The following NLRP14 variants were observed in gnomAD, a reference collection of about 807,000 sequenced individuals.
The protein encoded by NLRP14 is NLR family pyrin domain containing 14.
NLRP14 carries 105 observed loss-of-function variants against 94.7 expected under a neutral mutation model. The ratio of observed to expected loss-of-function variants is 1.11; its 90% CI spans 0.95 to 1.30. NLRP14 has a LOEUF of 1.30. NLRP14 is among the 50% of genes most tolerant of loss of function. The pLI is 0.00. For synonymous variants in NLRP14, 508 were observed against 459.9 expected (o/e 1.10, Z -1.34); for missense variants, 1,362 against 1,254.1 (o/e 1.09, Z -1.30).
chr11:7,042,734 C>A lies in NLRP14; in HGVS notation c.708C>A (p.Asp236Glu). The change falls in exon 4 of 12, where the codon GAC (aspartate) becomes GAA (glutamate). Residue 236 changes from aspartate (D) to glutamate (E), a missense_variant. Coordinates refer to ENST00000299481, the MANE Select transcript of NLRP14 (RefSeq NM_176822.4). The stretch of plus-strand genomic sequence containing the variant: ...GCTTTGCTCAATTGATATCAAAGGA[C>A]TGGCCCAGCACAGAAGGCCCCATTG... ...ERSFAQLISK[D>E]WPSTEGPIEE... 1.2e-6 allele frequency: 2 copies of A among 1,614,212 alleles called. No homozygotes were observed. Among genetic ancestry groups the A allele is most frequent in the Non-Finnish European group, 1.7e-6 (2 of 1,180,022 alleles).
Position 7,043,226 on chromosome 11 carries a change from T to A in NLRP14, c.1200T>A (p.Phe400Leu). The change falls in exon 4 of 12, where the codon TTT becomes TTA. Residue 400 changes from phenylalanine (F) to leucine (L), a missense_variant. By Grantham distance (22) the Phe-to-Leu change is conservative. Transcript: ENST00000299481. Reference protein sequence around the residue: ...TLTCQTTTALFTCYISSLFTP... With the variant: ...TLTCQTTTALLTCYISSLFTP... ...CCTGCCAAACAACCACAGCTCTGTT[T>A]ACCTGCTATATTTCTAGCTTGTTCA... 6.2e-7 allele frequency: 1 copy of A among 1,614,124 alleles called. No homozygotes were observed. The highest frequency in any genetic ancestry group is 8.5e-7 in the Non-Finnish European group (1 of 1,180,018).
chr11:7,028,517 A>G (rs1852046052), intron 1 of NLRP14, among the ~76,000 whole-genome samples: 1 of 152,162 alleles, frequency 6.6e-6, no homozygotes, highest in Admixed American at 6.5e-5. Context: ...ATATAGAACC[A>G]GGATGATTCT....
chr11:7,042,684 G>A lies in NLRP14; in HGVS notation c.658G>A (p.Glu220Lys). ...GTATGTTTTTTATCTCAATGGGAGAGAAATTAACCAGCTGAAAGAGAGAAG... is the reference window on the plus strand; with the variant it reads ...GTATGTTTTTTATCTCAATGGGAGAAAAATTAACCAGCTGAAAGAGAGAAG... ...FKYVFYLNGR[E>K]INQLKERSFA... The change falls in exon 4 of 12, where the codon GAA (glutamate) becomes AAA (lysine). Residue 220 changes from glutamate to lysine, a missense_variant. Transcript: ENST00000299481. 1 of 1,614,224 alleles carries A rather than the reference G, an allele frequency of 6.2e-7. No homozygotes were observed.
intron 8 of NLRP14, 146 bp from the exon 9 acceptor site, chr11:7,059,748 G>A: frequency 1.4e-6 from 1 of 724,988 alleles, no homozygotes; most frequent in South Asian, 1.5e-5. Context: ...TTTCCCAAGT[G>A]AGACAGGCTG....
chr11:7,062,186 G>A (rs1852632026), intron 9 of NLRP14, 147 bp from the exon 10 acceptor site: 1 of 680,070 alleles, frequency 1.5e-6, no homozygotes, highest in Non-Finnish European at 2.6e-6. Context: ...CATTTTTACT[G>A]ATAAATTAGA....
intron 7 of NLRP14, 117 bp downstream of exon 7, chr11:7,057,964 C>G: frequency 1.2e-6 from 1 of 836,538 alleles, no homozygotes; most frequent in Non-Finnish European, 2.1e-6. Flanking sequence ...TTTGTCAATT[C>G]TGAATAAGCT....
chr11:7,087,789 G>C, the NLRP14 span, among the ~76,000 whole-genome samples: 3 of 152,078 alleles, frequency 2.0e-5, no homozygotes, highest in Non-Finnish European at 4.4e-5. Context: ...AAGAAGGAAA[G>C]GTTTGGCTGA....
intron 5 of NLRP14, 37 bp from the exon 6 acceptor site, chr11:7,049,634 G>T (rs1212867995): frequency 3.4e-6 from 5 of 1,475,596 alleles, no homozygotes; most frequent in African/African-American, 1.4e-5. Flanking sequence ...GGAGAGAAAT[G>T]GTTTTGTAAT....
intron 1 of NLRP14, among the ~76,000 whole-genome samples, chr11:7,025,494 A>T (rs2119547625): frequency 6.6e-6 from 1 of 152,326 alleles, no homozygotes; most frequent in African/African-American, 2.4e-5. Flanking sequence ...GAAAGCCAAG[A>T]TATAAAATAA....
rs552153953 is a variant in NLRP14, at chr11:7,071,486, G to T, written c.*178G>T. Among the ~76,000 whole-genome samples the T allele has an allele frequency of 6.7e-6, 1 of 149,760 alleles. No individual in the cohort carries two copies. The highest frequency in any genetic ancestry group is 1.5e-5 in the Non-Finnish European group (1 of 67,658). On this transcript the variant is annotated 3_prime_UTR_variant, in exon 12 of 12. Coordinates refer to ENST00000299481, the MANE Select transcript of NLRP14 (RefSeq NM_176822.4). ...AATGTCTGTTCTACTTCACACAGTG[G>T]TCGAGAGGCTAAAATAAAATGAAAA...
intron 10 of NLRP14, among the ~76,000 whole-genome samples, chr11:7,066,074 T>C (rs1464122031): frequency 6.6e-6 from 1 of 152,228 alleles, no homozygotes; most frequent in African/African-American, 2.4e-5. Flanking sequence ...TTCCATGGTG[T>C]ATATGTGCCA....
rs766675588 is a variant in NLRP14, at chr11:7,046,784, TC to T, written c.2077del (p.Leu693CysfsTer5). The T allele has an allele frequency of 2.5e-6, 4 of 1,613,758 alleles. No individual in the cohort carries two copies. In the East Asian group the frequency reaches 6.7e-5, roughly 27 times the overall value. On this transcript the variant is annotated frameshift_variant, in exon 5 of 12. Coordinates refer to ENST00000299481, the MANE Select transcript of NLRP14 (RefSeq NM_176822.4). LOFTEE classifies it high-confidence loss of function. ...HSNLDKSAMN[I>X]LHHELRHPNC... ...AACCTTGATAAATCAGCAATGAATATCCTGCATCATGAACTAAGGCACCCAA... is the reference window on the plus strand; with the variant it reads ...AACCTTGATAAATCAGCAATGAATATCTGCATCATGAACTAAGGCACCCAA...
chr11:7,048,360 T>C (rs1381864806), intron 5 of NLRP14, among the ~76,000 whole-genome samples: 2 of 152,228 alleles, frequency 1.3e-5, no homozygotes, highest in Non-Finnish European at 2.9e-5. Context: ...TACCTTTTTG[T>C]GTAAGGACTC....
At chr11:7,037,566 G>A (rs1852178455) in intron 1 of NLRP14, among the ~76,000 whole-genome samples, 2 of 152,278 alleles carry the variant, frequency 1.3e-5, no homozygotes, top group African/African-American at 2.4e-5. Context: ...AAGAAAACTT[G>A]ATGGTGCTTG....
At chr11:7,074,126 T>A (rs1236767159), downstream of NLRP14, among the ~76,000 whole-genome samples, 2 of 152,202 alleles carry the variant, frequency 1.3e-5, no homozygotes, top group Non-Finnish European at 2.9e-5. Flanking sequence ...AGGACCTGTG[T>A]GCCTTGAAAG....
At chr11:7,077,678 C>G in the NLRP14 span, among the ~76,000 whole-genome samples, 1 of 152,238 alleles carries the variant, frequency 6.6e-6, no homozygotes, top group Non-Finnish European at 1.5e-5. Context: ...AAAGGCACGT[C>G]TCACGTGGCT....
chr11:7,057,510 C>T (rs937294746), intron 6 of NLRP14, among the ~76,000 whole-genome samples, 167 bp from the exon 7 acceptor site: 9 of 152,024 alleles, frequency 5.9e-5, no homozygotes, highest in Non-Finnish European at 1.0e-4. Flanking sequence ...TTAACTCTGT[C>T]AGAGCCTTAT....
chr11:7,065,020 T>G (rs1852683881), intron 10 of NLRP14, among the ~76,000 whole-genome samples: 1 of 152,034 alleles, frequency 6.6e-6, no homozygotes, highest in African/African-American at 2.4e-5. Flanking sequence ...TGATACGCAC[T>G]ACAGCAATTC....
intron 10 of NLRP14, among the ~76,000 whole-genome samples, chr11:7,066,878 A>G (rs1852713701): frequency 1.3e-5 from 2 of 152,066 alleles, no homozygotes; most frequent in African/African-American, 4.8e-5. Context: ...TAAGGAAGGT[A>G]TAATGCGTAA....
Sources: gnomAD v4.1 joint callset for allele counts (sites outside exome capture counted in the v4.1 genomes callset) on GRCh38, gnomAD v4.1.1 for gene constraint, MANE v1.5 for transcripts, NCBI Gene and HGNC (gene_info 2026-07-23, HGNC 2026-07-21) for gene names.